Variants in SLC35G2 observed in about 807,000 individuals in gnomAD.
The protein encoded by SLC35G2 is solute carrier family 35 member G2, also known as transmembrane protein 22.
Under a neutral mutation model 27.2 loss-of-function variants are expected in SLC35G2, and 20 were observed. The ratio of observed to expected loss-of-function variants is 0.74; its 90% CI spans 0.52 to 1.07. The LOEUF (loss-of-function observed/expected upper bound fraction) is 1.07. SLC35G2 is among the 50% of genes least tolerant of loss of function. The pLI is 0.00. For synonymous variants in SLC35G2, 148 were observed against 165.3 expected, an observed-to-expected ratio of 0.90 and a Z score of 0.80; for missense variants, 416 against 493.3, an observed-to-expected ratio of 0.84 and a Z score of 1.48.
chr3:136,853,926 TATATCTCAAAACTTATGGGGAGTCC>T (rs1241694611), intron 1 of SLC35G2, among the ~76,000 whole-genome samples: 1 of 152,218 alleles, frequency 6.6e-6, no homozygotes. Flanking sequence ...AGTGTATTTT[TATATCTCAAAACTTATGGGGAGTCC>T]AGAATAAATG....
At chr3:136,825,927 G>A (rs1470227379) in intron 1 of SLC35G2, among the ~76,000 whole-genome samples, 1 of 152,156 alleles carries the variant, frequency 6.6e-6, no homozygotes, top group East Asian at 1.9e-4. Flanking sequence ...AGTGAGTTCG[G>A]AAGTATTCTC....
At chr3:136,843,830 A>G (rs143761925) in intron 1 of SLC35G2, among the ~76,000 whole-genome samples, 2 of 151,996 alleles carry the variant, frequency 1.3e-5, no homozygotes, top group East Asian at 3.9e-4. Flanking sequence ...GCTACTGAGG[A>G]AGCTGAGGCA....
Position 136,855,562 on chromosome 3 carries a change from A to G in SLC35G2, c.1102A>G (p.Ile368Val), listed in dbSNP as rs2108048079. The G allele has an allele frequency of 1.9e-6, 3 of 1,614,130 alleles. No individual in the cohort carries two copies. The highest frequency in any genetic ancestry group is 2.5e-6 in the Non-Finnish European group (3 of 1,180,002). Reference protein sequence around the residue: ...AMVLQLLVLHIFPSIYDVFGG... With the variant: ...AMVLQLLVLHVFPSIYDVFGG... ...GGTCTTGCAGCTTCTCGTGCTGCAC[A>G]TATTTCCTAGCATCTATGATGTTTT... The change falls in exon 2 of 2, where the codon ATA (isoleucine) becomes GTA (valine). Residue 368 changes from isoleucine to valine, a missense_variant. Ile to Val is a conservative substitution (Grantham distance 29). Coordinates refer to ENST00000446465, the MANE Select transcript of SLC35G2 (RefSeq NM_025246.3).
rs750039639 is a variant in SLC35G2, at chr3:136,854,685, A to G, written c.225A>G (p.Leu75=). Residue 75 remains leucine (L), a synonymous_variant, in exon 2 of 2, where the codon CTA becomes CTG. Transcript: ENST00000446465. The part of the protein sequence containing the change: ...GRAFFGTMDT[L]PPPTEDPMIN... ...CTTTCTTTGGAACCATGGATACCCT[A>G]CCTCCACCAACAGAAGACCCAATGA... 8 of 1,614,030 alleles carry G rather than the reference A, an allele frequency of 5.0e-6. No homozygotes were observed. The East Asian group carries it at 1.1e-4, about 22-fold the overall frequency.
intron 1 of SLC35G2, among the ~76,000 whole-genome samples, chr3:136,827,793 T>G (rs1936621936): frequency 6.6e-6 from 1 of 152,124 alleles, no homozygotes; most frequent in African/African-American, 2.4e-5. Flanking sequence ...TGATTTCTAG[T>G]TTACTTGTGG....
At chr3:136,834,455 G>T (rs1280309555) in intron 1 of SLC35G2, among the ~76,000 whole-genome samples, 1 of 152,110 alleles carries the variant, frequency 6.6e-6, no homozygotes, top group African/African-American at 2.4e-5. Flanking sequence ...TGCCTCAGAA[G>T]AGTAGCTGGG....
chr3:136,822,863 A>G (rs1399063993), intron 1 of SLC35G2, among the ~76,000 whole-genome samples: 1 of 152,208 alleles, frequency 6.6e-6, no homozygotes, highest in African/African-American at 2.4e-5. Context: ...ACAGTGCGGC[A>G]ACAAACATGG....
intron 1 of SLC35G2, among the ~76,000 whole-genome samples, chr3:136,830,163 C>T (rs1240169838): frequency 4.5e-5 from 6 of 133,324 alleles, no homozygotes; most frequent in African/African-American, 1.4e-4. Flanking sequence ...GGCTGGGGTG[C>T]AGTGGCGCGA....
At position 136,819,575 on chromosome 3, in the gene SLC35G2, T is replaced by G. The variant is rs1337736275; in HGVS notation, c.-72T>G. On this transcript the variant is annotated 5_prime_UTR_variant, in exon 1 of 2. It removes an upstream start codon present in the reference 5' UTR. Transcript: ENST00000446465. ...CTGGGCCCTCCTGCAGCGTCCATGA[T>G]GAAGGCCAGGGGCTGTTGCTTTCCT... 6.6e-6 allele frequency: 1 copy of G among 152,238 alleles called. No homozygotes were observed. Among genetic ancestry groups the G allele is most frequent in the Non-Finnish European group, 1.5e-5 (1 of 68,064 alleles). 9.4% of individuals were successfully genotyped at this position (152,238 alleles called of 1,614,324 possible).
At chr3:136,829,985 A>G (rs1483365266) in intron 1 of SLC35G2, among the ~76,000 whole-genome samples, 4 of 151,486 alleles carry the variant, frequency 2.6e-5, no homozygotes, top group Non-Finnish European at 5.9e-5. Context: ...AAGTTCTCAT[A>G]TTATTTCTTT....
In SLC35G2 at chr3:136,819,144, C is replaced by G. The variant is rs768915677; in HGVS notation, c.-503C>G. The G allele has an allele frequency of 6.6e-6, 1 of 152,222 alleles. No homozygotes were observed. The highest frequency in any genetic ancestry group is 1.5e-5 in the Non-Finnish European group (1 of 68,042). 9.4% of individuals were successfully genotyped at this position (152,222 alleles called of 1,614,324 possible). On this transcript the variant is annotated 5_prime_UTR_variant, in exon 1 of 2. Transcript: ENST00000446465. ...CCGCAGTACTCCGGGCAGCGCCCGC[C>G]TCGATTTTCCCAGGCGAGGGCACGC... is the stretch of plus-strand genomic sequence containing the variant.
intron 1 of SLC35G2, chr3:136,837,466 A>G (rs1410153750): frequency 6.6e-6 from 1 of 152,228 alleles, no homozygotes; most frequent in Non-Finnish European, 1.5e-5. Context: ...CAGAAAAGAG[A>G]GAAAATACCA....
rs540861003 is a variant in SLC35G2, at chr3:136,851,566, G to A, written c.-18-2877G>A. Among the ~76,000 whole-genome samples the A allele has an allele frequency of 2.0e-5, 3 of 149,866 alleles. No homozygotes were observed. The East Asian group carries it at 5.9e-4, about 30-fold the overall frequency. ...GTTGGAGCAGAAGGGAAACTGGTGAGAATAAAAGCTTAGGGTATATATGGA... is the reference window on the plus strand; with the variant it reads ...GTTGGAGCAGAAGGGAAACTGGTGAAAATAAAAGCTTAGGGTATATATGGA... On this transcript the variant is annotated intron_variant, in intron 1 of 1. Coordinates refer to ENST00000446465, the MANE Select transcript of SLC35G2 (RefSeq NM_025246.3).
intron 1 of SLC35G2, chr3:136,842,145 C>G (rs1937126454): frequency 6.6e-6 from 1 of 152,156 alleles, no homozygotes; most frequent in Non-Finnish European, 1.5e-5. Context: ...ATATCTTATT[C>G]TAGCCACCAA....
chr3:136,829,584 G>A (rs1936672871), intron 1 of SLC35G2, among the ~76,000 whole-genome samples: 1 of 152,090 alleles, frequency 6.6e-6, no homozygotes, highest in Non-Finnish European at 1.5e-5. Flanking sequence ...ACTCCCTCTA[G>A]CATTTCTTGT....
chr3:136,850,529 A>G (rs1390663786), intron 1 of SLC35G2, among the ~76,000 whole-genome samples: 1 of 152,204 alleles, frequency 6.6e-6, no homozygotes, highest in Non-Finnish European at 1.5e-5. Context: ...TGTATAAGCC[A>G]AGCTGGTTTC....
rs967166513 is a variant in SLC35G2 at position 136,855,259 on chromosome 3, A to G, written c.799A>G (p.Thr267Ala). The G allele has an allele frequency of 6.2e-7, 1 of 1,614,174 alleles. No individual in the cohort carries two copies. The highest frequency in any genetic ancestry group is 2.2e-5 in the East Asian group (1 of 44,888). ...CACCATGACTGTGATGGCTGGACTG[A>G]CCACTGCTCTCTCAATGATAGTATA... ...GYTMTVMAGLTTALSMIVYRS... is the reference protein window; with the variant it reads ...GYTMTVMAGLATALSMIVYRS... The change falls in exon 2 of 2, where the codon ACC (threonine) becomes GCC (alanine). Residue 267 changes from threonine (T) to alanine (A), a missense_variant. Thr to Ala is a moderately conservative substitution (Grantham distance 58). Transcript: ENST00000446465.
At chr3:136,835,304 T>C (rs1388391400) in intron 1 of SLC35G2, among the ~76,000 whole-genome samples, 1 of 111,302 alleles carries the variant, frequency 9.0e-6, no homozygotes, top group Non-Finnish European at 1.8e-5. Context: ...TTCAGGCCTT[T>C]TTCTTTTTTT....
chr3:136,823,549 T>C (rs533299433), intron 1 of SLC35G2, among the ~76,000 whole-genome samples: 2 of 152,286 alleles, frequency 1.3e-5, no homozygotes, highest in South Asian at 2.1e-4. Context: ...CGAAGACTTA[T>C]ATTTAAGTCT....
Sources: allele counts gnomAD v4.1 joint callset (sites outside exome capture counted in the v4.1 genomes callset), GRCh38; gene constraint gnomAD v4.1.1; transcripts MANE v1.5; gene names NCBI Gene and HGNC (gene_info 2026-07-23, HGNC 2026-07-21).